TMEM8B: variants seen among roughly 807,000 people sequenced by gnomAD.
The protein encoded by TMEM8B is nasopharyngeal carcinoma expressed 6.
A neutral mutation model predicts 49.3 loss-of-function variants in TMEM8B; 29 were observed. The observed-to-expected ratio is 0.59, with a 90% CI of 0.44 to 0.80. TMEM8B has a LOEUF of 0.80. Among genes scored for constraint, TMEM8B ranks in the 30% least tolerant of loss-of-function variants. The pLI is 0.00. For synonymous variants in TMEM8B, 264 were observed against 272.8 expected, an observed-to-expected ratio of 0.97 and a Z score of 0.32; for missense variants, 575 against 658.5, an observed-to-expected ratio of 0.87 and a Z score of 1.39.
chr9:35,830,871 T>G (rs1354183664), intron 1 of TMEM8B, among the ~76,000 whole-genome samples: 11 of 151,984 alleles, frequency 7.2e-5, no homozygotes, highest in Non-Finnish European at 1.6e-4. Flanking sequence ...GGTTGGAATG[T>G]GGGAGGAGGA....
Position 35,863,989 on chromosome 9 carries a change from A to G in TMEM8B, c.*10149A>G, listed in dbSNP as rs952071951. 3.3e-5 allele frequency: 5 copies of G among 152,216 alleles called. No individual in the cohort carries two copies. Among genetic ancestry groups the G allele is most frequent in the African/African-American group, 1.2e-4 (5 of 41,438 alleles). 9.4% of individuals were successfully genotyped at this position (152,216 alleles called of 1,614,324 possible). ...AGAGTCACAGAGGGATAGGACCTGG[A>G]GTGTCTCTGAAAATAGCTGCCTGGT... On this transcript the variant is annotated 3_prime_UTR_variant, in exon 13 of 13. Transcript: ENST00000643932.
At position 35,846,890 on chromosome 9, in the gene TMEM8B, G is replaced by GC. The variant is rs1831648266; in HGVS notation, c.2071dup (p.Leu691ProfsTer41). The stretch of plus-strand genomic sequence containing the variant: ...GATTCCAGCTGCTGTCCACACTCCT[G>GC]CTCTGCCTGAGCAACCTCATGTTTC... On this transcript the variant is annotated frameshift_variant, in exon 10 of 13. Transcript: ENST00000643932. LOFTEE classifies it high-confidence loss of function. 6.2e-7 allele frequency: 1 copy of GC among 1,614,228 alleles called. No homozygotes were observed. Among genetic ancestry groups the GC allele is most frequent in the Non-Finnish European group, 8.5e-7 (1 of 1,180,044 alleles).
At position 35,842,492 on chromosome 9, in the gene TMEM8B, C is replaced by T. The variant is rs762579513; in HGVS notation, c.1410C>T (p.Ser470=). 2.5e-6 allele frequency: 4 copies of T among 1,605,256 alleles called. No individual in the cohort carries two copies. In the South Asian group the frequency reaches 4.4e-5, roughly 18 times the overall value. The change falls in exon 6 of 13, where the codon TCC becomes TCT. Residue 470 remains serine, a synonymous_variant. Coordinates refer to ENST00000643932, the MANE Select transcript of TMEM8B (RefSeq NM_001042590.4). The surrounding 1 kb of genome is among the most constrained non-coding windows in gnomAD (Gnocchi z 5.6). ...GNQPLPPEPP[S]LGTPAEGPGT... Reference sequence around the variant, plus strand: ...AGCCACTGCCCCCAGAACCGCCATCCCTTGGAACCCCTGCGGAGGGGCCTG... The same window carrying T: ...AGCCACTGCCCCCAGAACCGCCATCTCTTGGAACCCCTGCGGAGGGGCCTG...
rs1479822162 is a variant in TMEM8B, at chr9:35,864,234, C to G, written c.*10394C>G. 1 of 152,218 alleles carries G rather than the reference C, an allele frequency of 6.6e-6. No homozygotes were observed. The highest frequency in any genetic ancestry group is 2.4e-5 in the African/African-American group (1 of 41,452). 9.4% of individuals were successfully genotyped at this position (152,218 alleles called of 1,614,324 possible). A position where few individuals can be genotyped will look rare whatever the true frequency, so the allele number is the denominator to read the frequency against. On this transcript the variant is annotated 3_prime_UTR_variant, in exon 13 of 13. Transcript: ENST00000643932. The stretch of plus-strand genomic sequence containing the variant: ...TCATATGTTTCTAGCAACTTCCAAC[C>G]TGAGGTCTGATAGACCCAGGGTTAC...
At chr9:35,839,970 C>T (rs536465869) in intron 3 of TMEM8B, among the ~76,000 whole-genome samples, 1 of 152,324 alleles carries the variant, frequency 6.6e-6, no homozygotes, top group Admixed American at 6.5e-5. Context: ...CCTTGGCTGG[C>T]TTGTTCTGAG....
rs1564028737 is a variant in TMEM8B, at chr9:35,842,593, A to G, written c.1511A>G (p.His504Arg). Residue 504 changes from histidine (H) to arginine (R), a missense_variant, in exon 6 of 13, where the codon CAC becomes CGC. Coordinates refer to ENST00000643932, the MANE Select transcript of TMEM8B (RefSeq NM_001042590.4). The surrounding 1 kb of genome is among the most constrained non-coding windows in gnomAD (Gnocchi z 5.6). ...AACGAGCTGGACACCTTCTCTGTCC[A>G]CTTCTACATCTTCTTTGGCCCAAGT... is the stretch of plus-strand genomic sequence containing the variant. The part of the protein sequence containing the change: ...LRNELDTFSV[H>R]FYIFFGPSVA... The G allele has an allele frequency of 1.2e-6, 2 of 1,614,200 alleles. No individual in the cohort carries two copies. The highest frequency in any genetic ancestry group is 1.7e-6 in the Non-Finnish European group (2 of 1,180,024).
rs1334435705 is a variant in TMEM8B at position 35,861,465 on chromosome 9, CATT to C, written c.*7626_*7628del. ...ACTGCCCTTGGCCATCCCTCTGTGT[CATT>C]GTGCGCTGTGGTGCACCTGTCTTCT... On this transcript the variant is annotated 3_prime_UTR_variant, in exon 13 of 13. Transcript: ENST00000643932. 1.3e-5 allele frequency: 2 copies of C among 152,956 alleles called. No individual in the cohort carries two copies. The highest frequency in any genetic ancestry group is 4.8e-5 in the African/African-American group (2 of 41,468). 9.5% of individuals were successfully genotyped at this position (152,956 alleles called of 1,614,324 possible). A position where few individuals can be genotyped will look rare whatever the true frequency, so the allele number is the denominator to read the frequency against.
rs1428094768 is a variant in TMEM8B, at chr9:35,864,221, A to G, written c.*10381A>G. ...CTGAAACATTTCCTCATATGTTTCT[A>G]GCAACTTCCAACCTGAGGTCTGATA... On this transcript the variant is annotated 3_prime_UTR_variant, in exon 13 of 13. Transcript: ENST00000643932. 3.3e-5 allele frequency: 5 copies of G among 152,222 alleles called. No homozygotes were observed. The highest frequency in any genetic ancestry group is 1.2e-4 in the African/African-American group (5 of 41,450). The allele number at this position is 152,222 out of a possible 1,614,324, so 9.4% of individuals were successfully genotyped here.
intron 10 of TMEM8B, 67 bp downstream of exon 10, chr9:35,847,062 T>C: frequency 6.2e-7 from 1 of 1,614,224 alleles, no homozygotes; most frequent in Non-Finnish European, 8.5e-7. Context: ...AGTCTGTATT[T>C]CCACCACGTT....
chr9:35,847,578 G>A (rs1048426605), intron 10 of TMEM8B, among the ~76,000 whole-genome samples: 11 of 152,184 alleles, frequency 7.2e-5, no homozygotes. Flanking sequence ...AGATAGAGGG[G>A]ATCTCTCTAT....
chr9:35,861,967 AG>A lies in TMEM8B; in HGVS notation c.*8131del, dbSNP rs1358001158. ...TTAAAGGACAGTTTCAGGAACATAT[AG>A]GGGCACTTGGGTAATCTTGGTCAGT... On this transcript the variant is annotated 3_prime_UTR_variant, in exon 13 of 13. Coordinates refer to ENST00000643932, the MANE Select transcript of TMEM8B (RefSeq NM_001042590.4). 1 of 152,208 alleles carries A rather than the reference AG, an allele frequency of 6.6e-6. No individual in the cohort carries two copies. Among genetic ancestry groups the A allele is most frequent in the Non-Finnish European group, 1.5e-5 (1 of 68,034 alleles). The allele number at this position is 152,208 out of a possible 1,614,324, so 9.4% of individuals were successfully genotyped here.
At chr9:35,831,634 A>G (rs1408374706) in intron 1 of TMEM8B, among the ~76,000 whole-genome samples, 1 of 152,180 alleles carries the variant, frequency 6.6e-6, no homozygotes, top group Non-Finnish European at 1.5e-5. Flanking sequence ...CTCTGCCATC[A>G]TGGCTTCTTC....
Position 35,854,106 on chromosome 9 carries a change from C to A in TMEM8B, c.*266C>A. ...AGTCCCTCAGGACCAAGGAGTCCCT[C>A]CTGCAGGTGTGGAGCCTTTCCTGGG... On this transcript the variant is annotated 3_prime_UTR_variant, in exon 13 of 13. Transcript: ENST00000643932. 1 of 1,061,208 alleles carries A rather than the reference C, an allele frequency of 9.4e-7. No individual in the cohort carries two copies. The highest frequency in any genetic ancestry group is 1.2e-6 in the Non-Finnish European group (1 of 837,868). The allele number at this position is 1,061,208 out of a possible 1,614,324, so 65.7% of individuals were successfully genotyped here.
At chr9:35,848,586 A>T (rs1831834995) in intron 10 of TMEM8B, among the ~76,000 whole-genome samples, 1 of 152,124 alleles carries the variant, frequency 6.6e-6, no homozygotes, top group East Asian at 1.9e-4. Context: ...GTCAGCCTGA[A>T]AAGACCTTCC....
intron 3 of TMEM8B, among the ~76,000 whole-genome samples, chr9:35,839,543 A>G (rs1830765630): frequency 6.6e-6 from 1 of 152,224 alleles, no homozygotes; most frequent in Non-Finnish European, 1.5e-5. Context: ...AGGAAGGAGC[A>G]CGTCTTAACC....
At position 35,855,069 on chromosome 9, in the gene TMEM8B, T is replaced by C. The variant is rs1832466544; in HGVS notation, c.*1229T>C. ...AGTTCATCTGGGATGCAGAGAGATTTCTTGTTCCCATTTGCATTACTCTCT... is the reference window on the plus strand; with the variant it reads ...AGTTCATCTGGGATGCAGAGAGATTCCTTGTTCCCATTTGCATTACTCTCT... On this transcript the variant is annotated 3_prime_UTR_variant, in exon 13 of 13. Coordinates refer to ENST00000643932, the MANE Select transcript of TMEM8B (RefSeq NM_001042590.4). The C allele has an allele frequency of 6.6e-6, 1 of 152,188 alleles. No individual in the cohort carries two copies. The highest frequency in any genetic ancestry group is 2.4e-5 in the African/African-American group (1 of 41,430). 9.4% of individuals were successfully genotyped at this position (152,188 alleles called of 1,614,324 possible).
intron 3 of TMEM8B, 131 bp downstream of exon 3, chr9:35,835,349 G>T (rs1026555975): frequency 1.2e-5 from 5 of 400,652 alleles, no homozygotes; most frequent in Non-Finnish European, 2.2e-5. Flanking sequence ...CTGGGGCGGG[G>T]CATGGCTAAA....
intron 10 of TMEM8B, among the ~76,000 whole-genome samples, chr9:35,852,335 A>G (rs1054486609): frequency 2.0e-5 from 3 of 152,106 alleles, no homozygotes; most frequent in Admixed American, 2.0e-4. Context: ...TTTGTTGGGA[A>G]GGGATGAAGA....
rs1010411251 is a variant in TMEM8B, at chr9:35,856,340, C to G, written c.*2500C>G. Reference sequence around the variant, plus strand: ...GGAACAGCAAGGGGGAATGCAGAGGCAGGAAAGACTGATATTTACTCCGGG... The same window carrying G: ...GGAACAGCAAGGGGGAATGCAGAGGGAGGAAAGACTGATATTTACTCCGGG... On this transcript the variant is annotated 3_prime_UTR_variant, in exon 13 of 13. Coordinates refer to ENST00000643932, the MANE Select transcript of TMEM8B (RefSeq NM_001042590.4). The G allele has an allele frequency of 1.3e-5, 2 of 152,284 alleles. No homozygotes were observed. Among genetic ancestry groups the G allele is most frequent in the African/African-American group, 4.8e-5 (2 of 41,432 alleles). The allele number at this position is 152,284 out of a possible 1,614,324, so 9.4% of individuals were successfully genotyped here. A position where few individuals can be genotyped will look rare whatever the true frequency, so the allele number is the denominator to read the frequency against.
Sources: allele counts gnomAD v4.1 joint callset (sites outside exome capture counted in the v4.1 genomes callset), GRCh38; gene constraint gnomAD v4.1.1; non-coding constraint Gnocchi (gnomAD v3.1); transcripts MANE v1.5; gene names NCBI Gene and HGNC (gene_info 2026-07-23, HGNC 2026-07-21).